PACSIN2: variants seen among roughly 807,000 people sequenced by gnomAD.
PACSIN2 encodes the protein protein kinase C and casein kinase substrate in neurons 2, also known as protein kinase C and casein kinase substrate in neurons protein 2.
A neutral mutation model predicts 63.8 loss-of-function variants in PACSIN2; 25 were observed. The observed-to-expected ratio is 0.39, with a 90% CI of 0.29 to 0.55. The LOEUF (loss-of-function observed/expected upper bound fraction) is 0.55. Ranked by LOEUF, PACSIN2 falls within the 20% of genes least tolerant of loss-of-function variation. The probability of loss-of-function intolerance (pLI) is 0.62; values close to 1 mark genes in which losing one functional copy is unlikely to be tolerated. For synonymous variants in PACSIN2, 255 were observed against 256.2 expected (o/e 1.00, Z 0.05); for missense variants, 518 against 646.9 (o/e 0.80, Z 2.16).
At chr22:42,985,218 C>T (rs984560970) in intron 1 of PACSIN2, among the ~76,000 whole-genome samples, 1 of 152,348 alleles carries the variant, frequency 6.6e-6, no homozygotes, top group East Asian at 1.9e-4. Context: ...ATCCCAGCTA[C>T]TTGGGGGCTG....
intron 1 of PACSIN2, among the ~76,000 whole-genome samples, chr22:42,980,534 C>T (rs1292176057): frequency 2.9e-5 from 4 of 137,794 alleles, no homozygotes; most frequent in Admixed American, 7.3e-5. Flanking sequence ...CCTCTGATGC[C>T]GAGCCAAAGC....
chr22:42,898,277 CT>C (rs113057498), intron 2 of PACSIN2, among the ~76,000 whole-genome samples: 111 of 145,226 alleles, frequency 7.6e-4, no homozygotes, highest in African/African-American at 1.2e-3. Flanking sequence ...CCTTCCTTTT[CT>C]TTTTTTTTTT....
intron 1 of PACSIN2, among the ~76,000 whole-genome samples, chr22:42,961,638 T>A (rs891072449): frequency 7.2e-5 from 11 of 151,832 alleles, no homozygotes; most frequent in African/African-American, 2.7e-4. Flanking sequence ...CCAGGTGTAG[T>A]GGCACATGCC....
intron 10 of PACSIN2, among the ~76,000 whole-genome samples, chr22:42,873,909 C>T (rs1372215178): frequency 1.3e-5 from 2 of 151,926 alleles, no homozygotes; most frequent in African/African-American, 4.8e-5. Context: ...TTCTCTTGGC[C>T]TCCCCAGTAG....
intron 1 of PACSIN2, among the ~76,000 whole-genome samples, chr22:42,966,100 G>A (rs930358761): frequency 2.0e-5 from 3 of 152,204 alleles, no homozygotes; most frequent in South Asian, 2.1e-4. Flanking sequence ...GGCTGGGCGC[G>A]GTGGCTCACG....
At chr22:42,894,785 G>A (rs186878100) in intron 2 of PACSIN2, among the ~76,000 whole-genome samples, 55 of 152,304 alleles carry the variant, frequency 3.6e-4, no homozygotes, top group Non-Finnish European at 1.0e-4. Flanking sequence ...GATAACTTGA[G>A]CACCCAGAGG....
chr22:42,934,395 G>A (rs892664186), intron 1 of PACSIN2, among the ~76,000 whole-genome samples: 2 of 152,190 alleles, frequency 1.3e-5, no homozygotes, highest in Non-Finnish European at 1.5e-5. Context: ...CTTGGCTTCT[G>A]TGTACTCCCC....
At chr22:42,952,917 C>T (rs549881880) in intron 1 of PACSIN2, among the ~76,000 whole-genome samples, 3 of 152,200 alleles carry the variant, frequency 2.0e-5, no homozygotes, top group East Asian at 1.9e-4. Context: ...CCACTGGCCT[C>T]GGCCTCCCAC....
rs192744239 is a variant in PACSIN2, at chr22:42,943,846, C to T, written c.-77-31689G>A. On this transcript the variant is annotated intron_variant, in intron 1 of 10. Transcript: ENST00000263246. ...AAAACATGAATGTGTCCAAAACTTACGTTAAACTTTTGCACAATACAATAT... is the reference window on the plus strand; with the variant it reads ...AAAACATGAATGTGTCCAAAACTTATGTTAAACTTTTGCACAATACAATAT... Among the ~76,000 whole-genome samples, 52 of 152,152 alleles carry T rather than the reference C, an allele frequency of 3.4e-4. 1 individual carries two copies. Among genetic ancestry groups the T allele is most frequent in the Admixed American group, 3.1e-3 (48 of 15,284 alleles).
Position 42,900,627 on chromosome 22 carries a change from T to C in PACSIN2, c.61-7014A>G, listed in dbSNP as rs566113466. On this transcript the variant is annotated intron_variant, in intron 2 of 10. Coordinates refer to ENST00000263246, the MANE Select transcript of PACSIN2 (RefSeq NM_001184970.3). The stretch of plus-strand genomic sequence containing the variant: ...AGCTGGGACCACAGGTATGTACCAC[T>C]ACACCTGGCTAATTTTTTATATTTT... 3.9e-5 allele frequency among the ~76,000 whole-genome samples: 6 copies of C among 152,246 alleles called. No individual in the cohort carries two copies. In the East Asian group the frequency reaches 5.8e-4, roughly 15 times the overall value.
In PACSIN2 at chr22:42,909,844, C is replaced by T. The variant is rs541772872; in HGVS notation, c.60+2177G>A. 3.3e-5 allele frequency among the ~76,000 whole-genome samples: 5 copies of T among 152,268 alleles called. No homozygotes were observed. In the South Asian group the frequency reaches 1.0e-3, roughly 32 times the overall value. ...TAATTTTCCCAGCAGTTTCTGCCACCAAGTGGGTAATGAAGACAATGTCGC... is the reference window on the plus strand; with the variant it reads ...TAATTTTCCCAGCAGTTTCTGCCACTAAGTGGGTAATGAAGACAATGTCGC... On this transcript the variant is annotated intron_variant, in intron 2 of 10. Coordinates refer to ENST00000263246, the MANE Select transcript of PACSIN2 (RefSeq NM_001184970.3).
At chr22:42,879,931 T>TA (rs1322393273) in intron 7 of PACSIN2, among the ~76,000 whole-genome samples, 1 of 151,980 alleles carries the variant, frequency 6.6e-6, no homozygotes, top group East Asian at 1.9e-4. Context: ...CAAAGCAGAG[T>TA]ACGCTCCTCC....
intron 1 of PACSIN2, among the ~76,000 whole-genome samples, chr22:42,970,236 A>T (rs1303022940): frequency 6.6e-6 from 1 of 152,234 alleles, no homozygotes; most frequent in Non-Finnish European, 1.5e-5. Context: ...GGTTAACATC[A>T]CGGTGGTGAG....
chr22:42,883,020 C>T (rs1929197949), intron 6 of PACSIN2, among the ~76,000 whole-genome samples: 1 of 152,116 alleles, frequency 6.6e-6, no homozygotes, highest in Non-Finnish European at 1.5e-5. Flanking sequence ...CGGAATGTGG[C>T]CTTATTTGGA....
intron 1 of PACSIN2, among the ~76,000 whole-genome samples, chr22:42,992,637 T>C (rs1397322994): frequency 1.3e-5 from 2 of 152,136 alleles, no homozygotes; most frequent in East Asian, 3.8e-4. Context: ...GGCACACAAA[T>C]GTTAATAGCA....
At chr22:42,978,204 TA>T (rs1921839750) in intron 1 of PACSIN2, among the ~76,000 whole-genome samples, 1 of 152,170 alleles carries the variant, frequency 6.6e-6, no homozygotes, top group East Asian at 1.9e-4. Flanking sequence ...GAAGTGAAAA[TA>T]ACAAGTTGCT....
At chr22:42,891,369 G>A (rs531506221) in intron 3 of PACSIN2, among the ~76,000 whole-genome samples, 187 bp from the exon 4 acceptor site, 137 of 152,218 alleles carry the variant, frequency 9.0e-4, no homozygotes, top group Non-Finnish European at 1.4e-3. Flanking sequence ...TCTGCCCCTC[G>A]TGTTAGGAAA....
chr22:42,913,539 C>CTGCAAGTCAAATA (rs1931609909), intron 1 of PACSIN2, among the ~76,000 whole-genome samples: 1 of 150,490 alleles, frequency 6.6e-6, no homozygotes, highest in African/African-American at 2.4e-5. Context: ...CACAGAATTG[C>CTGCAAGTCAAATA]TGCAAGTCAA....
At chr22:42,917,303 A>G (rs978701294) in intron 1 of PACSIN2, among the ~76,000 whole-genome samples, 5 of 152,172 alleles carry the variant, frequency 3.3e-5, no homozygotes, top group African/African-American at 1.2e-4. Context: ...TCTAGAACAT[A>G]TAACATGAAA....
Sources: allele counts gnomAD v4.1 joint callset (sites outside exome capture counted in the v4.1 genomes callset), GRCh38; gene constraint gnomAD v4.1.1; transcripts MANE v1.5; gene names NCBI Gene and HGNC (gene_info 2026-07-23, HGNC 2026-07-21).